KCNAB1: variants seen among roughly 807,000 people sequenced by gnomAD.
The protein encoded by KCNAB1 is voltage-gated potassium channel subunit beta-1.
In KCNAB1, 35 loss-of-function variants were observed where a neutral mutation model predicts 64.6. The ratio of observed to expected loss-of-function variants is 0.54; its 90% CI spans 0.41 to 0.72. KCNAB1 has a LOEUF of 0.72. KCNAB1 is among the 30% of genes least tolerant of loss of function. The pLI, the probability that KCNAB1 is intolerant of heterozygous loss-of-function variation, is 0.00. For synonymous variants in KCNAB1, 177 were observed against 183.8 expected (o/e 0.96, Z 0.30); for missense variants, 401 against 512.9 (o/e 0.78, Z 2.11).
At chr3:156,163,413 A>G (rs1261694385) in intron 1 of KCNAB1, among the ~76,000 whole-genome samples, 2 of 152,172 alleles carry the variant, frequency 1.3e-5, no homozygotes, top group Non-Finnish European at 1.5e-5. Flanking sequence ...GTCATGCCAG[A>G]TAGTGGGACC....
chr3:156,202,297 T>C (rs1162157609), intron 1 of KCNAB1, among the ~76,000 whole-genome samples: 2 of 152,216 alleles, frequency 1.3e-5, no homozygotes, highest in African/African-American at 2.4e-5. Context: ...GGTTGCTTCT[T>C]GCCTCTTCAA....
intron 12 of KCNAB1, among the ~76,000 whole-genome samples, chr3:156,528,980 G>A (rs1487232924): frequency 1.3e-5 from 2 of 152,082 alleles, no homozygotes; most frequent in Non-Finnish European, 2.9e-5. Flanking sequence ...AATATAAGGG[G>A]ACAATTCAAG....
chr3:156,209,824 T>G (rs1194177686), intron 1 of KCNAB1, among the ~76,000 whole-genome samples: 1 of 152,218 alleles, frequency 6.6e-6, no homozygotes, highest in African/African-American at 2.4e-5. Flanking sequence ...TCAAACTGTT[T>G]ATTGCATAGC....
rs78807744 is a variant in KCNAB1, at chr3:156,413,053, G to A, written c.276-8563G>A. ...AGCCTGAACATAAGAGTAGACCATGGTAGGATTCTCCCTTTCACCCTAGCC... is the reference window on the plus strand; with the variant it reads ...AGCCTGAACATAAGAGTAGACCATGATAGGATTCTCCCTTTCACCCTAGCC... On this transcript the variant is annotated intron_variant, in intron 1 of 13. Coordinates refer to ENST00000490337, the MANE Select transcript of KCNAB1 (RefSeq NM_172160.3). 1.1e-3 allele frequency among the ~76,000 whole-genome samples: 171 copies of A among 152,276 alleles called. 2 individuals carry two copies. In the East Asian group the frequency reaches 0.031, roughly 27 times the overall value.
At chr3:156,277,890 T>A (rs1235390407) in intron 1 of KCNAB1, among the ~76,000 whole-genome samples, 1 of 152,160 alleles carries the variant, frequency 6.6e-6, no homozygotes, top group African/African-American at 2.4e-5. Flanking sequence ...CCCACATCCT[T>A]GCCAATACTT....
intron 1 of KCNAB1, among the ~76,000 whole-genome samples, chr3:156,162,389 T>C (rs1410343877): frequency 6.6e-6 from 1 of 152,184 alleles, no homozygotes; most frequent in African/African-American, 2.4e-5. Context: ...GTGGAAGATA[T>C]TATGCTAGAC....
chr3:156,358,936 T>C (rs1164457051), intron 1 of KCNAB1, among the ~76,000 whole-genome samples: 2 of 152,242 alleles, frequency 1.3e-5, no homozygotes, highest in Admixed American at 1.3e-4. Context: ...GAGAACTGTA[T>C]AACTACTATA....
At chr3:156,395,073 A>T (rs1274916152) in intron 1 of KCNAB1, among the ~76,000 whole-genome samples, 1 of 152,222 alleles carries the variant, frequency 6.6e-6, no homozygotes, top group East Asian at 1.9e-4. Context: ...TTCTTTGGTC[A>T]AACTATTGAA....
chr3:156,151,709 A>C (rs1331918593), intron 1 of KCNAB1, among the ~76,000 whole-genome samples: 2 of 152,166 alleles, frequency 1.3e-5, no homozygotes, highest in Non-Finnish European at 2.9e-5. Context: ...AGTATCTCTT[A>C]ATAGTTATGA....
At chr3:156,321,361 G>C (rs184009842) in intron 1 of KCNAB1, among the ~76,000 whole-genome samples, 2 of 152,166 alleles carry the variant, frequency 1.3e-5, no homozygotes, top group Non-Finnish European at 2.9e-5. Context: ...TTATGTGCAA[G>C]ATGGGTAATA....
intron 1 of KCNAB1, chr3:156,216,920 G>A (rs1178442266): frequency 6.6e-6 from 1 of 152,134 alleles, no homozygotes; most frequent in East Asian, 1.9e-4. Flanking sequence ...GTGATTTTAG[G>A]TTTTACATGA....
At chr3:156,255,333 A>C (rs1718040983) in intron 1 of KCNAB1, among the ~76,000 whole-genome samples, 1 of 152,192 alleles carries the variant, frequency 6.6e-6, no homozygotes, top group Non-Finnish European at 1.5e-5. Flanking sequence ...TACAGATGTT[A>C]CTGTCATGGA....
intron 1 of KCNAB1, among the ~76,000 whole-genome samples, chr3:156,306,147 A>G (rs73876147): frequency 0.16 from 24,966 of 152,030 alleles, 5,640 homozygotes; most frequent in African/African-American, 0.52. Flanking sequence ...TGATCAATTA[A>G]AAAAAGTGAT....
intron 8 of KCNAB1, among the ~76,000 whole-genome samples, chr3:156,500,261 A>C (rs1214697974): frequency 6.6e-6 from 1 of 152,236 alleles, no homozygotes; most frequent in Non-Finnish European, 1.5e-5. Context: ...AAGGGAAACC[A>C]GCCTGGGGAT....
rs539834519 is a variant in KCNAB1 at position 156,425,202 on chromosome 3, G to T, written c.319+3543G>T. On this transcript the variant is annotated intron_variant, in intron 2 of 13. Transcript: ENST00000490337. ...GCCTTAGAAATTAAGTAGTAAAACT[G>T]CCAGGAAATCAGAAAGCTACAGATT... Among the ~76,000 whole-genome samples the T allele has an allele frequency of 2.0e-5, 3 of 152,326 alleles. No homozygotes were observed. The East Asian group carries it at 5.8e-4, about 29-fold the overall frequency.
At chr3:156,448,730 G>C (rs1711772332) in intron 2 of KCNAB1, among the ~76,000 whole-genome samples, 1 of 131,444 alleles carries the variant, frequency 7.6e-6, no homozygotes, top group Non-Finnish European at 1.5e-5. Flanking sequence ...TTTTCTATAA[G>C]TCATAATAAA....
chr3:156,530,732 T>C (rs1346681182), intron 12 of KCNAB1, among the ~76,000 whole-genome samples: 1 of 151,912 alleles, frequency 6.6e-6, no homozygotes, highest in African/African-American at 2.4e-5. Context: ...GAATCTTGGG[T>C]TAGGAAGAAA....
Position 156,120,694 on chromosome 3 carries a change from T to C in KCNAB1, c.83T>C (p.Val28Ala). ...TKLRRQSGFS[V>A]AGKDKSPKKA... ...TTAAGGAGACAGTCTGGGTTTTCTGTAGCAGGGAAAGACAAATCTCCCAAG... is the reference window on the plus strand; with the variant it reads ...TTAAGGAGACAGTCTGGGTTTTCTGCAGCAGGGAAAGACAAATCTCCCAAG... Residue 28 changes from valine (V) to alanine (A), a missense_variant, in exon 1 of 14, where the codon GTA becomes GCA. Transcript: ENST00000490337. 1.2e-6 allele frequency: 2 copies of C among 1,614,188 alleles called. No individual in the cohort carries two copies. Among genetic ancestry groups the C allele is most frequent in the South Asian group, 1.1e-5 (1 of 91,086 alleles).
chr3:156,292,883 A>G (rs1720536545), intron 1 of KCNAB1, among the ~76,000 whole-genome samples: 1 of 152,246 alleles, frequency 6.6e-6, no homozygotes, highest in Non-Finnish European at 1.5e-5. Flanking sequence ...AATGCTATAC[A>G]AAGCTTTTTA....
Sources: allele counts gnomAD v4.1 joint callset (sites outside exome capture counted in the v4.1 genomes callset), GRCh38; gene constraint gnomAD v4.1.1; transcripts MANE v1.5; gene names NCBI Gene and HGNC (gene_info 2026-07-23, HGNC 2026-07-21).